The following SLC6A7 variants were observed in gnomAD, a reference collection of about 807,000 sequenced individuals.
The protein encoded by SLC6A7 is solute carrier family 6 member 7, also known as sodium-dependent proline transporter.
Under a neutral mutation model 73.1 loss-of-function variants are expected in SLC6A7, and 58 were observed. The observed-to-expected ratio is 0.79, with a 90% CI of 0.64 to 0.99. The LOEUF (loss-of-function observed/expected upper bound fraction) is 0.99. Ranked by LOEUF, SLC6A7 falls within the 50% of genes least tolerant of loss-of-function variation. The pLI is 0.00. For synonymous variants in SLC6A7, 338 were observed against 338.7 expected (o/e 1.00, Z 0.02); for missense variants, 783 against 831.4 (o/e 0.94, Z 0.72).
At position 150,197,280 on chromosome 5, in the gene SLC6A7, A is replaced by T; in HGVS notation, c.584+4A>T. 6.3e-7 allele frequency: 1 copy of T among 1,589,244 alleles called. No individual in the cohort carries two copies. The highest frequency in any genetic ancestry group is 8.6e-7 in the Non-Finnish European group (1 of 1,164,096). On this transcript the variant is annotated splice_donor_region_variant and intron_variant, in intron 4 of 13. Transcript: ENST00000230671. The stretch of plus-strand genomic sequence containing the variant: ...GCCCCAGCGAGGAGTACTGGAGGTC[A>T]GGCAGCTGCTGGCCCCGCGGCATCT...
At chr5:150,205,817 G>A (rs929265197) in intron 13 of SLC6A7, among the ~76,000 whole-genome samples, 194 bp downstream of exon 13, 1 of 152,202 alleles carries the variant, frequency 6.6e-6, no homozygotes, top group African/African-American at 2.4e-5. Flanking sequence ...TGAAGCCTTA[G>A]GGGAGTGGGT....
At chr5:150,195,236 G>A (rs150407996) in intron 2 of SLC6A7, 2 of 243,142 alleles carry the variant, frequency 8.2e-6, no homozygotes, top group South Asian at 2.0e-4. Flanking sequence ...TCTGCCTGCC[G>A]ATGATCACTG....
chr5:150,190,352 C>A lies in SLC6A7; in HGVS notation c.25C>A (p.Leu9Ile). The A allele has an allele frequency of 6.6e-7, 1 of 1,504,916 alleles. No individual in the cohort carries two copies. The highest frequency in any genetic ancestry group is 1.3e-5 in the South Asian group (1 of 79,434). The allele number at this position is 1,504,916 out of a possible 1,614,324, so 93.2% of individuals were successfully genotyped here. A position where few individuals can be genotyped will look rare whatever the true frequency, so the allele number is the denominator to read the frequency against. The change falls in exon 1 of 14, where the codon CTC (leucine) becomes ATC (isoleucine). Residue 9 changes from leucine to isoleucine, a missense_variant. Physicochemically the swap from Leu to Ile is conservative, Grantham distance 5. Coordinates refer to ENST00000230671, the MANE Select transcript of SLC6A7 (RefSeq NM_014228.5). MKKLQGAH[L>I]RKPVTPDLLM... The stretch of plus-strand genomic sequence containing the variant: ...GATGAAGAAGCTCCAGGGAGCTCAC[C>A]TCCGCAAGGTAGGGCACGAGGGCGG...
chr5:150,209,364 T>A, intron 13 of SLC6A7, 42 bp from the exon 14 acceptor site: 1 of 1,543,038 alleles, frequency 6.5e-7, no homozygotes, highest in Admixed American at 1.7e-5. Flanking sequence ...CCACCAGCGC[T>A]GCCTGTTTCC....
chr5:150,191,729 T>A (rs1243725181), intron 1 of SLC6A7, among the ~76,000 whole-genome samples: 1 of 152,182 alleles, frequency 6.6e-6, no homozygotes, highest in African/African-American at 2.4e-5. Flanking sequence ...TGCGCCCAGC[T>A]GGTATGTCTT....
Position 150,197,221 on chromosome 5 carries a change from G to C in SLC6A7, c.529G>C (p.Gly177Arg). 1.2e-6 allele frequency: 2 copies of C among 1,613,726 alleles called. No homozygotes were observed. Among genetic ancestry groups the C allele is most frequent in the Non-Finnish European group, 1.7e-6 (2 of 1,179,962 alleles). The change falls in exon 4 of 14, where the codon GGG becomes CGG. Residue 177 changes from glycine (G) to arginine (R), a missense_variant. By Grantham distance (125) the Gly-to-Arg change is moderately radical (BLOSUM62 -2). Transcript: ENST00000230671. The stretch of plus-strand genomic sequence containing the variant: ...GCACAGAGTCTCCAAGGACGGCAAC[G>C]GGGCCCTGCCCCTCAACCTCACCTG... ...LEHRVSKDGN[G>R]ALPLNLTCTV...
chr5:150,200,218 G>A (rs1753296297), intron 5 of SLC6A7, among the ~76,000 whole-genome samples: 1 of 152,238 alleles, frequency 6.6e-6, no homozygotes, highest in Non-Finnish European at 1.5e-5. Flanking sequence ...TGGGGCCGGA[G>A]GTGGTGGCTC....
intron 13 of SLC6A7, among the ~76,000 whole-genome samples, chr5:150,206,976 G>C (rs1426551810): frequency 2.6e-5 from 4 of 152,164 alleles, no homozygotes; most frequent in Admixed American, 2.6e-4. Flanking sequence ...GAGCTGTGGT[G>C]AGCACTGCGG....
At chr5:150,202,538 G>C (rs1411988783) in intron 7 of SLC6A7, 41 bp from the exon 8 acceptor site, 1 of 1,611,728 alleles carries the variant, frequency 6.2e-7, no homozygotes, top group South Asian at 1.1e-5. Context: ...CTGAAAGGAA[G>C]GCCCACTCAC....
chr5:150,205,478 T>A lies in SLC6A7; in HGVS notation c.1556T>A (p.Val519Asp). ...TLLALMVYSIVKYQPSEYGSY... is the reference protein window; with the variant it reads ...TLLALMVYSIDKYQPSEYGSY... ...CAGGCCCTCATGGTGTATAGCATCG[T>A]CAAGTACCAGCCCTCGGAGTATGGC... The change falls in exon 13 of 14, where the codon GTC becomes GAC. Residue 519 changes from valine (V) to aspartate (D), a missense_variant. By Grantham distance (152) the Val-to-Asp change is radical. Transcript: ENST00000230671. 6.2e-7 allele frequency: 1 copy of A among 1,609,964 alleles called. No homozygotes were observed. The highest frequency in any genetic ancestry group is 8.5e-7 in the Non-Finnish European group (1 of 1,178,042).
intron 8 of SLC6A7, 47 bp from the exon 9 acceptor site, chr5:150,203,620 G>A (rs576737875): frequency 6.4e-6 from 6 of 936,304 alleles, no homozygotes; most frequent in African/African-American, 4.8e-5. Flanking sequence ...GCGTATGGGA[G>A]CCCACCGCAT....
rs1753090009 is a variant in SLC6A7, at chr5:150,197,375, G to A, written c.584+99G>A. 6 of 751,814 alleles carry A rather than the reference G, an allele frequency of 8.0e-6. No individual in the cohort carries two copies. The South Asian group carries it at 1.1e-4, about 14-fold the overall frequency. 46.6% of individuals were successfully genotyped at this position (751,814 alleles called of 1,614,324 possible). A position where few individuals can be genotyped will look rare whatever the true frequency, so the allele number is the denominator to read the frequency against. On this transcript the variant is annotated intron_variant, in intron 4 of 13. Coordinates refer to ENST00000230671, the MANE Select transcript of SLC6A7 (RefSeq NM_014228.5). ...CAGTCTCAGCATGTACCGCCAAGAT[G>A]AGCTCAGGTGGTGATGGCAGGTGGA...
At position 150,201,195 on chromosome 5, in the gene SLC6A7, C is replaced by T. The variant is rs1382338375; in HGVS notation, c.830C>T (p.Pro277Leu). Reference sequence around the variant, plus strand: ...AAGGGCATCCAGTTCTATCTCACCCCCCAGTTCCACCACTTGTTGTCTTCC... The same window carrying T: ...AAGGGCATCCAGTTCTATCTCACCCTCCAGTTCCACCACTTGTTGTCTTCC... ...AWKGIQFYLT[P>L]QFHHLLSSKV... Residue 277 changes from proline to leucine, a missense_variant, in exon 6 of 14, where the codon CCC (proline) becomes CTC (leucine). Transcript: ENST00000230671. 4 of 1,612,996 alleles carry T rather than the reference C, an allele frequency of 2.5e-6. No individual in the cohort carries two copies. Among genetic ancestry groups the T allele is most frequent in the Admixed American group, 1.7e-5 (1 of 59,858 alleles).
At chr5:150,199,400 C>A in intron 5 of SLC6A7, 34 bp downstream of exon 5, 1 of 1,536,416 alleles carries the variant, frequency 6.5e-7, no homozygotes, top group African/African-American at 1.4e-5. Flanking sequence ...GCCTGAGGGG[C>A]TGGATGGGGT....
chr5:150,191,893 C>T (rs985143634), intron 1 of SLC6A7, among the ~76,000 whole-genome samples: 3 of 151,852 alleles, frequency 2.0e-5, no homozygotes, highest in Non-Finnish European at 4.4e-5. Flanking sequence ...GGGGGGTTAG[C>T]AAGCTTTATC....
At position 150,203,820 on chromosome 5, in the gene SLC6A7, G is replaced by GGTGTGTGTGTGTGTGTGT. The variant is rs35380195; in HGVS notation, c.1201-60_1201-43dup. 4.0e-4 allele frequency: 321 copies of GGTGTGTGTGTGTGTGTGT among 802,576 alleles called. 1 individual carries two copies. In the African/African-American group the frequency reaches 5.4e-3, roughly 13 times the overall value. 49.7% of individuals were successfully genotyped at this position (802,576 alleles called of 1,614,324 possible). ...GGCAGCAGGCACCCCGTGTGTGTGT[G>GGTGTGTGTGTGTGTGTGT]GTGTGTGTGTGTGTGTGTGTGTGTG... On this transcript the variant is annotated intron_variant, in intron 9 of 13. Transcript: ENST00000230671.
chr5:150,194,740 G>C lies in SLC6A7; in HGVS notation c.46G>C (p.Asp16His). The C allele has an allele frequency of 6.2e-7, 1 of 1,613,848 alleles. No individual in the cohort carries two copies. The highest frequency in any genetic ancestry group is 8.5e-7 in the Non-Finnish European group (1 of 1,179,892). The part of the protein sequence containing the change: ...GAHLRKPVTP[D>H]LLMTPSDQGD... ...CTCTCATTGGCAGCCTGTCACCCCA[G>C]ACCTGCTGATGACCCCCAGTGACCA... The change falls in exon 2 of 14, where the codon GAC becomes CAC. Residue 16 changes from aspartate to histidine, a missense_variant. Transcript: ENST00000230671.
intron 4 of SLC6A7, 72 bp from the exon 5 acceptor site, chr5:150,199,156 A>C: frequency 1.3e-6 from 2 of 1,495,682 alleles, no homozygotes; most frequent in Admixed American, 2.1e-5. Flanking sequence ...TGTGGGCTGG[A>C]CATGGCTTGA....
In SLC6A7 at chr5:150,197,102, T is replaced by C. The variant is rs1428082075; in HGVS notation, c.410T>C (p.Ile137Thr). ...GTGGCCATCTACTACAACATGATCA[T>C]CGCCTACGTGCTCTTCTACCTCTTC... ...GLVAIYYNMIIAYVLFYLFAS... is the reference protein window; with the variant it reads ...GLVAIYYNMITAYVLFYLFAS... Residue 137 changes from isoleucine (I) to threonine (T), a missense_variant, in exon 4 of 14, where the codon ATC becomes ACC. Transcript: ENST00000230671. The C allele has an allele frequency of 1.9e-6, 3 of 1,614,120 alleles. No homozygotes were observed. Among genetic ancestry groups the C allele is most frequent in the Non-Finnish European group, 2.5e-6 (3 of 1,180,020 alleles).
Sources: gnomAD v4.1 joint callset for allele counts (sites outside exome capture counted in the v4.1 genomes callset) on GRCh38, gnomAD v4.1.1 for gene constraint, MANE v1.5 for transcripts, NCBI Gene and HGNC (gene_info 2026-07-23, HGNC 2026-07-21) for gene names.